Variants in PAX5 observed in about 807,000 individuals in gnomAD.
PAX5 encodes paired box protein Pax-5.
A neutral mutation model predicts 43.7 loss-of-function variants in PAX5; 9 were observed. The observed-to-expected ratio is 0.21, with a 90% CI of 0.12 to 0.36. The LOEUF (loss-of-function observed/expected upper bound fraction) is 0.36, where lower values mean the gene tolerates loss of function less well. Among genes scored for constraint, PAX5 ranks in the 10% least tolerant of loss-of-function variants. The pLI is 1.00. For synonymous variants in PAX5, 228 were observed against 214.3 expected, an observed-to-expected ratio of 1.06 and a Z score of -0.56; for missense variants, 383 against 532.7, an observed-to-expected ratio of 0.72 and a Z score of 2.77.
At chr9:36,941,492 T>C (rs1034578359) in intron 6 of PAX5, among the ~76,000 whole-genome samples, 2 of 152,202 alleles carry the variant, frequency 1.3e-5, no homozygotes, top group Non-Finnish European at 1.5e-5. Context: ...GTGAATCTCC[T>C]GTCCTGGCTC....
At chr9:36,857,123 G>A (rs1334317532) in intron 8 of PAX5, among the ~76,000 whole-genome samples, 1 of 152,176 alleles carries the variant, frequency 6.6e-6, no homozygotes, top group East Asian at 1.9e-4. Context: ...GTTTGTTCAG[G>A]CAGTCATACA....
intron 6 of PAX5, among the ~76,000 whole-genome samples, chr9:36,958,662 G>A (rs963653253): frequency 6.6e-6 from 1 of 152,144 alleles, no homozygotes; most frequent in African/African-American, 2.4e-5. Context: ...TCTCCTCACA[G>A]CTGCAAGAGT....
chr9:36,844,273 A>T (rs1822352617), intron 9 of PAX5, among the ~76,000 whole-genome samples: 1 of 152,126 alleles, frequency 6.6e-6, no homozygotes, highest in Non-Finnish European at 1.5e-5. Context: ...AGTCAGGGAG[A>T]GTAGAGTACC....
chr9:36,869,895 AATGG>A (rs371489118), intron 8 of PAX5, among the ~76,000 whole-genome samples: 11,079 of 49,096 alleles, frequency 0.23, 958 homozygotes, highest in African/African-American at 0.35. Flanking sequence ...TGGATGGATA[AATGG>A]ATGGATGGAT....
Position 37,015,272 on chromosome 9 carries a change from T to G in PAX5, c.213-78A>C. ...TTGGCAACAAAATAACGGGCTACTC[T>G]GGCCAGGAAACGTCCGGATCTGCAC... is the stretch of plus-strand genomic sequence containing the variant. On this transcript the variant is annotated intron_variant, in intron 2 of 9. Transcript: ENST00000358127. The surrounding 1 kb of genome is among the most constrained non-coding windows in gnomAD (Gnocchi z 4.4). 1 of 1,332,262 alleles carries G rather than the reference T, an allele frequency of 7.5e-7. No homozygotes were observed. The highest frequency in any genetic ancestry group is 1.1e-6 in the Non-Finnish European group (1 of 932,448). 82.5% of individuals were successfully genotyped at this position (1,332,262 alleles called of 1,614,324 possible).
chr9:37,024,851 G>A (rs750170537), intron 1 of PAX5, among the ~76,000 whole-genome samples: 1 of 152,224 alleles, frequency 6.6e-6, no homozygotes, highest in Non-Finnish European at 1.5e-5. Flanking sequence ...CTGGGCCACC[G>A]AGCGCTGGGC....
At chr9:36,975,462 T>C (rs1216554161) in intron 5 of PAX5, among the ~76,000 whole-genome samples, 1 of 151,884 alleles carries the variant, frequency 6.6e-6, no homozygotes, top group Non-Finnish European at 1.5e-5. Context: ...CTTGGCTCAC[T>C]GCAAGCTCCG....
chr9:36,884,998 T>C (rs1287712323), intron 7 of PAX5, among the ~76,000 whole-genome samples: 3 of 152,210 alleles, frequency 2.0e-5, no homozygotes, highest in African/African-American at 7.2e-5. Flanking sequence ...TGTCCACGGC[T>C]CCAGTTTTAC....
At chr9:36,997,725 C>G (rs1837506848) in intron 5 of PAX5, among the ~76,000 whole-genome samples, 1 of 152,204 alleles carries the variant, frequency 6.6e-6, no homozygotes, top group South Asian at 2.1e-4. Flanking sequence ...TGGGTGGCAC[C>G]CCAGCCTGAC....
At chr9:36,978,501 C>T (rs200235404) in intron 5 of PAX5, among the ~76,000 whole-genome samples, 1 of 124,368 alleles carries the variant, frequency 8.0e-6, no homozygotes, top group African/African-American at 2.9e-5. Context: ...CCCCACTGCA[C>T]AGAAATAAAT....
chr9:36,867,377 C>T (rs371715780), intron 8 of PAX5, among the ~76,000 whole-genome samples: 5 of 152,338 alleles, frequency 3.3e-5, no homozygotes, highest in African/African-American at 1.2e-4. Context: ...TTCTAAGAGT[C>T]ACACTCCAAA....
chr9:37,026,239 G>A (rs185706086), intron 1 of PAX5, among the ~76,000 whole-genome samples: 2 of 152,352 alleles, frequency 1.3e-5, no homozygotes, highest in Admixed American at 6.5e-5. Context: ...AGCCCTCTAC[G>A]GGTCCAAGCC....
intron 8 of PAX5, among the ~76,000 whole-genome samples, chr9:36,859,211 C>T (rs62533252): frequency 0.16 from 23,948 of 152,084 alleles, 2,108 homozygotes; most frequent in Middle Eastern, 0.33. Flanking sequence ...GAATCAGACA[C>T]GGTCCCTGCC....
At chr9:36,879,030 G>A (rs745317088) in intron 8 of PAX5, among the ~76,000 whole-genome samples, 20 of 152,214 alleles carry the variant, frequency 1.3e-4, no homozygotes, top group Middle Eastern at 3.2e-3. Flanking sequence ...GAAGTCATGG[G>A]CTCCCAGGCA....
At chr9:36,851,469 A>G in intron 8 of PAX5, among the ~76,000 whole-genome samples, 1 of 152,204 alleles carries the variant, frequency 6.6e-6, no homozygotes, top group East Asian at 1.9e-4. Flanking sequence ...GGAAGGAGCC[A>G]GCGGGATTGA....
chr9:37,006,264 C>T (rs1838380711), intron 4 of PAX5, among the ~76,000 whole-genome samples: 2 of 151,766 alleles, frequency 1.3e-5, no homozygotes. Context: ...AGCTATTTAT[C>T]ATAATAATCA....
At position 37,015,174 on chromosome 9, in the gene PAX5, A is replaced by G; in HGVS notation, c.233T>C (p.Ile78Thr). The G allele has an allele frequency of 6.2e-7, 1 of 1,614,122 alleles. No individual in the cohort carries two copies. Among genetic ancestry groups the G allele is most frequent in the Non-Finnish European group, 8.5e-7 (1 of 1,179,964 alleles). The change falls in exon 3 of 10, where the codon ATC (isoleucine) becomes ACC (threonine). Residue 78 changes from isoleucine to threonine, a missense_variant. Physicochemically the swap from Ile to Thr is moderately conservative, Grantham distance 89. Around this residue, in one of 5 missense-constraint regions of PAX5, gnomAD observed 33 missense variants for 70.6 expected, o/e 0.47. Transcript: ENST00000358127. The surrounding 1 kb of genome is among the most constrained non-coding windows in gnomAD (Gnocchi z 4.4). ...ILGRYYETGS[I>T]KPGVIGGSKP... Reference sequence around the variant, plus strand: ...GGATCCTCCAATTACCCCAGGCTTGATGCTTCCTGTCTCATAATACCTAGG... The same window carrying G: ...GGATCCTCCAATTACCCCAGGCTTGGTGCTTCCTGTCTCATAATACCTAGG...
At chr9:36,919,528 C>T (rs745823897) in intron 7 of PAX5, among the ~76,000 whole-genome samples, 1 of 152,114 alleles carries the variant, frequency 6.6e-6, no homozygotes, top group African/African-American at 2.4e-5. Context: ...AAAGAATTCA[C>T]TATTAAAGAT....
chr9:36,930,216 CTTTTT>C (rs144710055), intron 6 of PAX5, among the ~76,000 whole-genome samples: 3 of 85,520 alleles, frequency 3.5e-5, no homozygotes, highest in Non-Finnish European at 4.3e-5. Flanking sequence ...GATGGATGTC[CTTTTT>C]TTTTTTTTTT....
Sources: allele counts gnomAD v4.1 joint callset (sites outside exome capture counted in the v4.1 genomes callset), GRCh38; gene constraint gnomAD v4.1.1; regional missense constraint gnomAD v4.1.1; non-coding constraint Gnocchi (gnomAD v3.1); transcripts MANE v1.5; gene names NCBI Gene and HGNC (gene_info 2026-07-23, HGNC 2026-07-21).